DYM: variants seen among roughly 807,000 people sequenced by gnomAD.
DYM encodes dyggve-Melchior-Clausen syndrome protein.
DYM carries 78 observed loss-of-function variants against 93.1 expected under a neutral mutation model. The ratio of observed to expected loss-of-function variants is 0.84; its 90% CI spans 0.70 to 1.01. The LOEUF is 1.01. DYM is among the 50% of genes least tolerant of loss of function. The pLI is 0.00. For synonymous variants in DYM, 321 were observed against 319.7 expected (o/e 1.00, Z -0.04); for missense variants, 789 against 845.0 (o/e 0.93, Z 0.82).
intron 17 of DYM, among the ~76,000 whole-genome samples, chr18:49,067,021 TA>T (rs761912336): frequency 2.6e-5 from 4 of 151,696 alleles, no homozygotes; most frequent in Admixed American, 6.6e-5. Flanking sequence ...AAAAAGGAAA[TA>T]TAGTTAAGAT....
chr18:49,062,415 G>A (rs2076053817), intron 17 of DYM, among the ~76,000 whole-genome samples: 1 of 152,170 alleles, frequency 6.6e-6, no homozygotes, highest in Admixed American at 6.5e-5. Flanking sequence ...CCCAGGCCTT[G>A]ACTGTGGGAT....
chr18:49,214,242 C>T (rs113770118), intron 13 of DYM, among the ~76,000 whole-genome samples: 3 of 152,316 alleles, frequency 2.0e-5, no homozygotes, highest in African/African-American at 7.2e-5. Context: ...CATCTGTATT[C>T]AGAGCCACTC....
At chr18:49,313,462 C>CAAAAAAAAAAAAAAAA (rs60775305) in intron 8 of DYM, among the ~76,000 whole-genome samples, 2 of 28,564 alleles carry the variant, frequency 7.0e-5, no homozygotes, top group East Asian at 6.3e-4. Context: ...GACTCTGTCA[C>CAAAAAAAAAAAAAAAA]AAAAAAAAAA....
At chr18:49,232,603 C>CTT (rs777802663) in intron 13 of DYM, among the ~76,000 whole-genome samples, 1,437 of 93,808 alleles carry the variant, frequency 0.015, 12 homozygotes, top group South Asian at 0.04. Context: ...TGCCCGGCCT[C>CTT]TTTTTTTTTT....
At chr18:49,096,341 ACT>A (rs2079542844) in intron 17 of DYM, among the ~76,000 whole-genome samples, 1 of 152,082 alleles carries the variant, frequency 6.6e-6, no homozygotes, top group South Asian at 2.1e-4. Context: ...TATTTTACAA[ACT>A]CTGTTATTAT....
chr18:49,118,615 T>C (rs2082115418), intron 16 of DYM, 129 bp downstream of exon 16: 5 of 857,710 alleles, frequency 5.8e-6, no homozygotes, highest in East Asian at 5.3e-5. Flanking sequence ...TATAGTAAAA[T>C]AGACTGCAAA....
At chr18:49,133,488 G>A (rs1600013405) in intron 15 of DYM, among the ~76,000 whole-genome samples, 2 of 152,230 alleles carry the variant, frequency 1.3e-5, no homozygotes, top group African/African-American at 4.8e-5. Context: ...AAAGCAAGGT[G>A]TCAGCTGAGC....
intron 14 of DYM, among the ~76,000 whole-genome samples, chr18:49,170,514 G>T (rs965728044): frequency 5.9e-5 from 9 of 152,082 alleles, no homozygotes; most frequent in African/African-American, 1.9e-4. Flanking sequence ...GGGTGTGCTG[G>T]CTCACACCTG....
At position 49,117,996 on chromosome 18, in the gene DYM, C is replaced by CTTTTTTTT. The variant is rs35936099; in HGVS notation, c.1911+740_1911+747dup. On this transcript the variant is annotated intron_variant, in intron 16 of 17. Transcript: ENST00000675505. ...ACAGGCATAAGCCACTGTGCCCAGC[C>CTTTTTTTT]TTTTTTTTTTTTTTTTTTTTTTTTG... 2.4e-3 allele frequency among the ~76,000 whole-genome samples: 129 copies of CTTTTTTTT among 53,478 alleles called. 1 individual carries two copies. Among genetic ancestry groups the CTTTTTTTT allele is most frequent in the African/African-American group, 3.5e-3 (35 of 9,954 alleles). 35.1% of individuals were successfully genotyped at this position (53,478 alleles called of 152,430 possible).
chr18:49,286,751 A>C (rs2059692815), intron 8 of DYM, 135 bp from the exon 9 acceptor site: 3 of 843,554 alleles, frequency 3.6e-6, no homozygotes, highest in East Asian at 2.7e-5. Context: ...ATGTCTATAC[A>C]TTTCACAAGG....
chr18:49,373,217 G>A (rs540294799), intron 5 of DYM, among the ~76,000 whole-genome samples: 14 of 152,142 alleles, frequency 9.2e-5, no homozygotes, highest in South Asian at 2.1e-4. Context: ...CTTGGATCTC[G>A]TGCAAGAAAG....
chr18:49,139,155 T>A (rs75596882), intron 15 of DYM, among the ~76,000 whole-genome samples: 2,099 of 151,692 alleles, frequency 0.014, 45 homozygotes, highest in African/African-American at 0.048. Flanking sequence ...TTCCTAAACT[T>A]TTGTTGTAAT....
chr18:49,097,593 G>T, intron 16 of DYM, 78 bp from the exon 17 acceptor site: 1 of 1,198,768 alleles, frequency 8.3e-7, no homozygotes, highest in Non-Finnish European at 1.2e-6. Context: ...TCACATGGTA[G>T]TCAAACTATC....
chr18:49,159,273 A>G (rs559387336), intron 15 of DYM, among the ~76,000 whole-genome samples: 18 of 152,358 alleles, frequency 1.2e-4, no homozygotes, highest in Middle Eastern at 3.4e-3. Context: ...TCTTAATAAT[A>G]GAACAACCTA....
At chr18:49,437,667 T>C (rs1329242682) in intron 1 of DYM, among the ~76,000 whole-genome samples, 1 of 152,228 alleles carries the variant, frequency 6.6e-6, no homozygotes, top group Non-Finnish European at 1.5e-5. Context: ...ACAGAGGTTG[T>C]ACCAACTTGG....
chr18:49,328,676 GA>G (rs11356661), intron 8 of DYM, among the ~76,000 whole-genome samples: 3,852 of 152,200 alleles, frequency 0.025, 152 homozygotes, highest in African/African-American at 0.086. Context: ...ACAGACACAT[GA>G]AAAAATGCTT....
chr18:49,430,255 C>T lies in DYM; in HGVS notation c.140G>A (p.Ser47Asn), dbSNP rs1419634722. The change falls in exon 2 of 18, where the codon AGT (serine) becomes AAT (asparagine). Residue 47 changes from serine to asparagine, a missense_variant and splice_region_variant. Ser to Asn is a conservative substitution (Grantham distance 46). Transcript: ENST00000675505. ...TTTCAATCTCCAGGCAATCTCTTAC[C>T]TGCTAGTTGGTGCAGGGAAAGAAAA... The part of the protein sequence containing the change: ...LSFSFPAPTS[S>N]SELKLLEEAT... 1 of 1,613,812 alleles carries T rather than the reference C, an allele frequency of 6.2e-7. No individual in the cohort carries two copies. The highest frequency in any genetic ancestry group is 8.5e-7 in the Non-Finnish European group (1 of 1,179,950).
chr18:49,440,359 T>TGATATATAATATAGCATATTATATAG, intron 1 of DYM, among the ~76,000 whole-genome samples: 2 of 131,924 alleles, frequency 1.5e-5, no homozygotes, highest in South Asian at 2.3e-4. Flanking sequence ...ATATAGTATA[T>TGATATATAATATAGCATATTATATAG]GATATATAAT....
Position 49,042,289 on chromosome 18 carries a change from G to A in DYM, c.*1766C>T, listed in dbSNP as rs1218887630. ...CAGAACAAGCCCCTTGGGGACAGGAGGCAAGCTGCACTCACCTCTGGGACC... is the reference window on the plus strand; with the variant it reads ...CAGAACAAGCCCCTTGGGGACAGGAAGCAAGCTGCACTCACCTCTGGGACC... On this transcript the variant is annotated 3_prime_UTR_variant, in exon 18 of 18. Transcript: ENST00000675505. 1.3e-5 allele frequency: 2 copies of A among 152,878 alleles called. No homozygotes were observed. The highest frequency in any genetic ancestry group is 1.9e-4 in the East Asian group (1 of 5,194). The allele number at this position is 152,878 out of a possible 1,614,324, so 9.5% of individuals were successfully genotyped here.
Sources: allele counts gnomAD v4.1 joint callset (sites outside exome capture counted in the v4.1 genomes callset), GRCh38; gene constraint gnomAD v4.1.1; transcripts MANE v1.5; gene names NCBI Gene and HGNC (gene_info 2026-07-23, HGNC 2026-07-21).